GRIA4: variants seen among roughly 807,000 people sequenced by gnomAD.
The protein encoded by GRIA4 is glutamate ionotropic receptor AMPA type subunit 4, also known as glutamate receptor 4.
A neutral mutation model predicts 104.0 loss-of-function variants in GRIA4; 34 were observed. The observed-to-expected ratio is 0.33, with a 90% CI of 0.25 to 0.44. GRIA4 has a LOEUF of 0.44. Ranked by LOEUF, GRIA4 falls within the 20% of genes least tolerant of loss-of-function variation. GRIA4 has a pLI of 1.00. For synonymous variants in GRIA4, 386 were observed against 381.9 expected, an observed-to-expected ratio of 1.01 and a Z score of -0.13; for missense variants, 750 against 1,096.5, an observed-to-expected ratio of 0.68 and a Z score of 4.46.
chr11:105,720,164 C>A lies in GRIA4; in HGVS notation c.248-32817C>A, dbSNP rs118017755. 2.6e-3 allele frequency among the ~76,000 whole-genome samples: 400 copies of A among 151,564 alleles called. 4 individuals are homozygous for A. The East Asian group carries it at 0.035, about 13-fold the overall frequency. On this transcript the variant is annotated intron_variant, in intron 3 of 16. Transcript: ENST00000282499. ...GTACTTTCCTAAAAATAAGAAGCTA[C>A]CATTTTTAAATTGTGAATTTCCTCA...
chr11:105,773,617 T>C (rs531542509), intron 4 of GRIA4, among the ~76,000 whole-genome samples: 1 of 152,046 alleles, frequency 6.6e-6, no homozygotes, highest in Non-Finnish European at 1.5e-5. Context: ...TAACATGTAT[T>C]TCCCAAGCAC....
chr11:105,861,341 G>C (rs138090547), intron 4 of GRIA4, among the ~76,000 whole-genome samples: 1 of 151,926 alleles, frequency 6.6e-6, no homozygotes, highest in Admixed American at 6.6e-5. Context: ...CCTTGAGTCC[G>C]GCTACACACT....
intron 7 of GRIA4, among the ~76,000 whole-genome samples, chr11:105,902,100 T>G (rs943045110): frequency 6.6e-6 from 1 of 152,092 alleles, no homozygotes; most frequent in African/African-American, 2.4e-5. Flanking sequence ...GAAGGGCACA[T>G]TTATCCAGAA....
At chr11:105,749,280 T>C (rs1303836253) in intron 3 of GRIA4, among the ~76,000 whole-genome samples, 1 of 152,072 alleles carries the variant, frequency 6.6e-6, no homozygotes. Context: ...GCCAGGTAGA[T>C]GAATTGAAAA....
intron 4 of GRIA4, among the ~76,000 whole-genome samples, chr11:105,848,491 G>A (rs1248410778): frequency 6.6e-6 from 1 of 152,146 alleles, no homozygotes; most frequent in Non-Finnish European, 1.5e-5. Flanking sequence ...CATAGTGAAA[G>A]TTACAAACTG....
chr11:105,907,556 C>T (rs1164466616), intron 9 of GRIA4, among the ~76,000 whole-genome samples: 1 of 152,134 alleles, frequency 6.6e-6, no homozygotes, highest in African/African-American at 2.4e-5. Context: ...TAGAGAGTCT[C>T]ATTAAGCAGA....
chr11:105,886,434 T>C (rs1226638908), intron 5 of GRIA4, among the ~76,000 whole-genome samples: 1 of 151,996 alleles, frequency 6.6e-6, no homozygotes, highest in Non-Finnish European at 1.5e-5. Flanking sequence ...GTATGTTTTA[T>C]ACATTCTTTC....
At chr11:105,691,712 G>A (rs969048132) in intron 3 of GRIA4, among the ~76,000 whole-genome samples, 3 of 151,910 alleles carry the variant, frequency 2.0e-5, no homozygotes, top group African/African-American at 7.2e-5. Flanking sequence ...CGAGGTGGGC[G>A]AATCAGGGGG....
intron 14 of GRIA4, among the ~76,000 whole-genome samples, chr11:105,939,878 C>T (rs1948139980): frequency 6.6e-6 from 1 of 151,852 alleles, no homozygotes; most frequent in African/African-American, 2.4e-5. Context: ...AGAAGGCACC[C>T]TAGGTGGCCT....
chr11:105,670,696 C>A (rs1445595449), intron 3 of GRIA4, among the ~76,000 whole-genome samples: 2 of 152,052 alleles, frequency 1.3e-5, no homozygotes, highest in Admixed American at 1.3e-4. Flanking sequence ...ATCATGTCAG[C>A]TAACAGTCAT....
At chr11:105,637,137 C>T (rs183420299) in intron 3 of GRIA4, among the ~76,000 whole-genome samples, 1 of 151,968 alleles carries the variant, frequency 6.6e-6, no homozygotes, top group Non-Finnish European at 1.5e-5. Flanking sequence ...AAAAAATAAC[C>T]ATTTAAAAAT....
At chr11:105,965,096 C>G (rs775722480) in intron 14 of GRIA4, among the ~76,000 whole-genome samples, 30 of 152,070 alleles carry the variant, frequency 2.0e-4, no homozygotes, top group Non-Finnish European at 3.2e-4. Flanking sequence ...CGTGAGCCAC[C>G]GCACCTGGCC....
intron 9 of GRIA4, among the ~76,000 whole-genome samples, chr11:105,907,300 A>C (rs1947074232): frequency 1.3e-5 from 2 of 152,214 alleles, no homozygotes; most frequent in Admixed American, 1.3e-4. Context: ...ATGAAGTATA[A>C]AATGGTGTAG....
chr11:105,762,670 G>A (rs1286518066), intron 4 of GRIA4, among the ~76,000 whole-genome samples: 5 of 152,190 alleles, frequency 3.3e-5, no homozygotes, highest in South Asian at 2.1e-4. Flanking sequence ...GGTTTTCCCC[G>A]TGCTGTTCTT....
intron 3 of GRIA4, among the ~76,000 whole-genome samples, chr11:105,687,699 T>C (rs1378451125): frequency 6.6e-6 from 1 of 152,212 alleles, no homozygotes; most frequent in Non-Finnish European, 1.5e-5. Flanking sequence ...CATAGCCATA[T>C]TGCAGGTGAG....
At chr11:105,779,961 C>A (rs946113542) in intron 4 of GRIA4, among the ~76,000 whole-genome samples, 1 of 152,078 alleles carries the variant, frequency 6.6e-6, no homozygotes, top group African/African-American at 2.4e-5. Context: ...GCATATCACA[C>A]TGACTAGAGG....
chr11:105,753,339 G>A (rs1940117475), intron 4 of GRIA4, 119 bp downstream of exon 4: 1 of 883,506 alleles, frequency 1.1e-6, no homozygotes. Flanking sequence ...ATCAGAAAAT[G>A]GTTGATGTGT....
At chr11:105,874,397 C>A (rs1945738636) in intron 5 of GRIA4, among the ~76,000 whole-genome samples, 1 of 152,098 alleles carries the variant, frequency 6.6e-6, no homozygotes, top group Non-Finnish European at 1.5e-5. Context: ...CTTGGCTATA[C>A]AGCCTCTTTT....
intron 5 of GRIA4, among the ~76,000 whole-genome samples, chr11:105,880,329 T>C (rs1946001864): frequency 6.6e-6 from 1 of 152,234 alleles, no homozygotes; most frequent in South Asian, 2.1e-4. Context: ...ACCACCATGA[T>C]AGGCAGAGAG....
Sources: allele counts gnomAD v4.1 joint callset (sites outside exome capture counted in the v4.1 genomes callset), GRCh38; gene constraint gnomAD v4.1.1; transcripts MANE v1.5; gene names NCBI Gene and HGNC (gene_info 2026-07-23, HGNC 2026-07-21).